The following ANKAR variants were observed in gnomAD, a reference collection of about 807,000 sequenced individuals.
The protein encoded by ANKAR is ankyrin and armadillo repeat-containing protein.
In ANKAR, 136 loss-of-function variants were observed where a neutral mutation model predicts 146.2. The observed-to-expected ratio is 0.93, with a 90% CI of 0.81 to 1.07. ANKAR has a LOEUF of 1.07. Ranked by LOEUF, ANKAR falls within the 50% of genes least tolerant of loss-of-function variation. The pLI is 0.00. For synonymous variants in ANKAR, 500 were observed against 575.8 expected (o/e 0.87, Z 1.88); for missense variants, 1,567 against 1,679.9 (o/e 0.93, Z 1.18).
At chr2:189,745,027 C>CTACTACTACTAATAATAATAATAATAA (rs376824673) in intron 22 of ANKAR, among the ~76,000 whole-genome samples, 242 of 131,098 alleles carry the variant, frequency 1.8e-3, no homozygotes, top group East Asian at 9.2e-3. Flanking sequence ...ACTACTACTA[C>CTACTACTACTAATAATAATAATAATAA]TAATAATACA....
intron 2 of ANKAR, among the ~76,000 whole-genome samples, chr2:189,685,778 A>G (rs2035497262): frequency 1.3e-5 from 2 of 152,090 alleles, no homozygotes; most frequent in African/African-American, 4.8e-5. Context: ...GAAGTGCTGA[A>G]CTGTGGATAT....
chr2:189,729,690 C>CTGTGTGTGTGTGTGTG (rs1206044488), intron 15 of ANKAR, among the ~76,000 whole-genome samples: 1 of 6,270 alleles, frequency 1.6e-4, no homozygotes, highest in Non-Finnish European at 5.9e-4. Context: ...TCCACATCAG[C>CTGTGTGTGTGTGTGTG]TGTGCGTGTG....
chr2:189,723,951 G>T (rs1383067162), intron 12 of ANKAR, among the ~76,000 whole-genome samples: 2 of 152,092 alleles, frequency 1.3e-5, no homozygotes, highest in Admixed American at 6.5e-5. Flanking sequence ...AAATAGACAG[G>T]AATCAAATAA....
At chr2:189,716,242 C>A (rs1345099148) in intron 10 of ANKAR, among the ~76,000 whole-genome samples, 1 of 152,178 alleles carries the variant, frequency 6.6e-6, no homozygotes, top group African/African-American at 2.4e-5. Context: ...TCAGCAAACT[C>A]TCAGGATACA....
At chr2:189,686,636 C>G (rs375832080) in intron 2 of ANKAR, among the ~76,000 whole-genome samples, 3 of 152,070 alleles carry the variant, frequency 2.0e-5, no homozygotes, top group African/African-American at 7.2e-5. Flanking sequence ...AGCTGATACC[C>G]TGGTTAAAGA....
intron 1 of ANKAR, 66 bp from the exon 2 acceptor site, chr2:189,676,390 A>T: frequency 7.5e-7 from 1 of 1,334,382 alleles, no homozygotes; most frequent in Middle Eastern, 2.6e-4. Context: ...ATTTATTTCT[A>T]GACAAATCCA....
At chr2:189,740,249 G>T (rs1313951751) in intron 19 of ANKAR, among the ~76,000 whole-genome samples, 2 of 152,010 alleles carry the variant, frequency 1.3e-5, no homozygotes, top group Non-Finnish European at 2.9e-5. Context: ...TGCTCCCTTG[G>T]TCTGTTTCCA....
At chr2:189,754,682 C>T (rs146829392) in intron 18 of ANKAR, 554 of 243,476 alleles carry the variant, frequency 2.3e-3, no homozygotes, top group Non-Finnish European at 3.4e-3. Flanking sequence ...CTGTGGGAAG[C>T]AGTGTTTTGT....
chr2:189,761,603 T>A (rs917865119), downstream of ANKAR: 27 of 1,607,484 alleles, frequency 1.7e-5, no homozygotes, highest in Non-Finnish European at 2.2e-5. Context: ...TTTTGATGGT[T>A]TAAAAAAAAC....
intron 5 of ANKAR, among the ~76,000 whole-genome samples, chr2:189,693,987 G>T (rs2036821237): frequency 6.6e-6 from 1 of 152,146 alleles, no homozygotes; most frequent in African/African-American, 2.4e-5. Flanking sequence ...GACCTCAAGT[G>T]ATCTGCCCAC....
At chr2:189,710,578 T>C (rs2039551769) in intron 9 of ANKAR, among the ~76,000 whole-genome samples, 1 of 152,164 alleles carries the variant, frequency 6.6e-6, no homozygotes, top group African/African-American at 2.4e-5. Context: ...GGCAAGTGGA[T>C]TGCTTGAACC....
At chr2:189,677,431 C>T (rs2033899726) in intron 2 of ANKAR, among the ~76,000 whole-genome samples, 1 of 152,016 alleles carries the variant, frequency 6.6e-6, no homozygotes, top group Admixed American at 6.6e-5. Context: ...TCTTTTATCC[C>T]TCATTTTCTT....
chr2:189,759,515 G>T (rs1258795870), intron 18 of ANKAR, among the ~76,000 whole-genome samples: 1 of 152,188 alleles, frequency 6.6e-6, no homozygotes, highest in Admixed American at 6.5e-5. Context: ...CTCCCAAAGT[G>T]ATGCGATTAC....
Position 189,696,309 on chromosome 2 carries a change from T to A in ANKAR, c.1648T>A (p.Cys550Ser). The change falls in exon 7 of 23, where the codon TGT becomes AGT. Residue 550 changes from cysteine to serine, a missense_variant. Physicochemically the swap from Cys to Ser is moderately radical, Grantham distance 112. Transcript: ENST00000684021. ...CCTGCACAACAGAGTTTCTATTATA[T>A]GTCAACTGTGCAATGCTAACTTCAA... ...AALHNRVSII[C>S]QLCNANFKVN... 1 of 1,614,116 alleles carries A rather than the reference T, an allele frequency of 6.2e-7. No individual in the cohort carries two copies.
intron 18 of ANKAR, chr2:189,752,720 C>T (rs2045469388): frequency 6.2e-7 from 1 of 1,613,852 alleles, no homozygotes; most frequent in Non-Finnish European, 8.5e-7. Context: ...CTTTCAATAC[C>T]ATTCCTAAAT....
intron 18 of ANKAR, among the ~76,000 whole-genome samples, chr2:189,758,019 C>T (rs957588988): frequency 1.3e-5 from 2 of 152,144 alleles, no homozygotes; most frequent in Admixed American, 6.5e-5. Context: ...GAGATGACTA[C>T]ATCATGGGGG....
Position 189,741,392 on chromosome 2 carries a change from T to C in ANKAR, c.3751T>C (p.Phe1251Leu), listed in dbSNP as rs1574749700. ...AHSRAGIPEA[F>L]TTLGTIQRLC... is the part of the protein sequence containing the mutation. ...TTCTAGAGCTGGTATCCCAGAAGCA[T>C]TTACCACATTAGGAACAATCCAACG... Residue 1251 changes from phenylalanine (F) to leucine (L), a missense_variant, in exon 20 of 23, where the codon TTT (phenylalanine) becomes CTT (leucine). Phe to Leu is a conservative substitution (Grantham distance 22, BLOSUM62 0). Transcript: ENST00000684021. 6.2e-7 allele frequency: 1 copy of C among 1,610,544 alleles called. No individual in the cohort carries two copies. Among genetic ancestry groups the C allele is most frequent in the South Asian group, 1.1e-5 (1 of 90,556 alleles).
At chr2:189,734,003 G>C (rs1218521425) in intron 17 of ANKAR, among the ~76,000 whole-genome samples, 1 of 151,906 alleles carries the variant, frequency 6.6e-6, no homozygotes, top group Non-Finnish European at 1.5e-5. Flanking sequence ...TTATTTTATA[G>C]AATATCCCTC....
At chr2:189,760,584 A>C (rs187602693) in intron 18 of ANKAR, among the ~76,000 whole-genome samples, 1 of 152,308 alleles carries the variant, frequency 6.6e-6, no homozygotes, top group East Asian at 1.9e-4. Flanking sequence ...AGAGGTCAGG[A>C]GATTGAGACC....
Sources: allele counts gnomAD v4.1 joint callset (sites outside exome capture counted in the v4.1 genomes callset), GRCh38; gene constraint gnomAD v4.1.1; transcripts MANE v1.5; gene names NCBI Gene and HGNC (gene_info 2026-07-23, HGNC 2026-07-21).